Variants in MCPH1 observed in about 807,000 individuals in gnomAD.
MCPH1 encodes the protein microcephalin 1, also known as microcephalin.
A neutral mutation model predicts 84.5 loss-of-function variants in MCPH1; 104 were observed. The ratio of observed to expected loss-of-function variants is 1.23; its 90% confidence interval spans 1.05 to 1.45. MCPH1 has a LOEUF of 1.45. Among genes scored for constraint, MCPH1 ranks in the 40% most tolerant of loss-of-function variants. The pLI is 0.00. For synonymous variants in MCPH1, 514 were observed against 366.8 expected (o/e 1.40, Z -4.58); for missense variants, 1,498 against 1,005.7 (o/e 1.49, Z -6.62).
intron 12 of MCPH1, chr8:6,562,707 C>T (rs1450315124): frequency 6.2e-7 from 1 of 1,612,836 alleles, no homozygotes; most frequent in Non-Finnish European, 8.5e-7. Flanking sequence ...GCCTCTGCAC[C>T]GAGTCATCGT....
intron 9 of MCPH1, among the ~76,000 whole-genome samples, chr8:6,458,569 G>A (rs926295804): frequency 3.3e-5 from 5 of 151,994 alleles, no homozygotes; most frequent in Non-Finnish European, 7.4e-5. Context: ...TATAGATGAA[G>A]GACGTGTTTT....
chr8:6,474,091 G>A (rs60915478), intron 9 of MCPH1: 115,466 of 775,482 alleles, frequency 0.15, 9,208 homozygotes, highest in Middle Eastern at 0.22. Flanking sequence ...CAAAAACTAT[G>A]TGAAACCAGC....
intron 9 of MCPH1, among the ~76,000 whole-genome samples, chr8:6,456,058 C>T (rs879267015): frequency 1.3e-5 from 2 of 152,050 alleles, no homozygotes; most frequent in African/African-American, 4.8e-5. Context: ...CTTATCTTGG[C>T]AATGGTTAAA....
At chr8:6,617,265 G>A (rs1219721431) in intron 12 of MCPH1, 4 of 143,046 alleles carry the variant, frequency 2.8e-5, no homozygotes, top group Admixed American at 6.8e-5. Context: ...GTGGGGGGGG[G>A]GTGTTTTTTT....
chr8:6,452,411 A>G (rs1431509995), intron 8 of MCPH1, among the ~76,000 whole-genome samples: 1 of 152,234 alleles, frequency 6.6e-6, no homozygotes, highest in East Asian at 1.9e-4. Flanking sequence ...GGTCTGTCAG[A>G]TTCATTTCCG....
chr8:6,538,275 C>G (rs563160592), intron 12 of MCPH1, among the ~76,000 whole-genome samples: 1 of 152,090 alleles, frequency 6.6e-6, no homozygotes, highest in African/African-American at 2.4e-5. Flanking sequence ...ATCTGTCTTA[C>G]ACACACACAT....
intron 12 of MCPH1, among the ~76,000 whole-genome samples, chr8:6,514,310 C>T (rs1253989494): frequency 2.0e-5 from 3 of 152,188 alleles, no homozygotes; most frequent in Non-Finnish European, 2.9e-5. Context: ...CTGCCTCAGC[C>T]TCCTGAGTAG....
At position 6,608,255 on chromosome 8, in the gene MCPH1, G is replaced by T. The variant is rs148405456; in HGVS notation, c.2215-13199G>T. ...ACCTGCCCGTGCTTACCGGCTGGTG[G>T]CAGGGGGGCTGAGCAGGTGTTGAGG... On this transcript the variant is annotated intron_variant, in intron 12 of 13. Transcript: ENST00000344683. Among the ~76,000 whole-genome samples the T allele has an allele frequency of 2.3e-4, 35 of 152,360 alleles. No homozygotes were observed. In the East Asian group the frequency reaches 6.7e-3, roughly 29 times the overall value.
At chr8:6,519,808 C>A in intron 12 of MCPH1, 1 of 1,592,146 alleles carries the variant, frequency 6.3e-7, no homozygotes, top group South Asian at 1.1e-5. Context: ...GTTCCTCACT[C>A]ACTAAAGTGG....
chr8:6,423,395 G>C (rs1218567428), intron 3 of MCPH1, among the ~76,000 whole-genome samples: 1 of 148,924 alleles, frequency 6.7e-6, no homozygotes, highest in Non-Finnish European at 1.5e-5. Flanking sequence ...TCCATCTCCT[G>C]ATCTTGTGAT....
chr8:6,486,440 G>A (rs140911963), intron 11 of MCPH1, among the ~76,000 whole-genome samples: 353 of 152,258 alleles, frequency 2.3e-3, no homozygotes, highest in African/African-American at 8.0e-3. Flanking sequence ...TTATTTCAGG[G>A]TTTGTGTGGT....
rs762619662 is a variant in MCPH1 at position 6,643,489 on chromosome 8, G to A, written c.*440G>A. 19 of 220,204 alleles carry A rather than the reference G, an allele frequency of 8.6e-5. No homozygotes were observed. The highest frequency in any genetic ancestry group is 4.2e-4 in the African/African-American group (18 of 42,890). 13.6% of individuals were successfully genotyped at this position (220,204 alleles called of 1,614,324 possible). A position where few individuals can be genotyped will look rare whatever the true frequency, so the allele number is the denominator to read the frequency against. On this transcript the variant is annotated 3_prime_UTR_variant, in exon 14 of 14. Coordinates refer to ENST00000344683, the MANE Select transcript of MCPH1 (RefSeq NM_024596.5). ...CATGTTGGCCAGGCTGGTCTCAAAC[G>A]CCTGAGCTCAGGTGATCTGTCAGGC...
In MCPH1 at chr8:6,408,352, A is replaced by C. The variant is rs138769403; in HGVS notation, c.23-927A>C. ...TCCTGAGTAACTTGGGACTACAGGC[A>C]CTACCACGCCCGGTTATTTTTATTT... On this transcript the variant is annotated intron_variant, in intron 1 of 13. Coordinates refer to ENST00000344683, the MANE Select transcript of MCPH1 (RefSeq NM_024596.5). 9.3e-4 allele frequency among the ~76,000 whole-genome samples: 141 copies of C among 152,060 alleles called. 2 individuals are homozygous for C. Among genetic ancestry groups the C allele is most frequent in the Admixed American group, 6.8e-3 (104 of 15,264 alleles).
chr8:6,502,330 C>G (rs1185448042), intron 12 of MCPH1: 1 of 152,006 alleles, frequency 6.6e-6, no homozygotes, highest in African/African-American at 2.4e-5. Context: ...ACTAAAAATA[C>G]CTTCATATTT....
At chr8:6,472,057 A>G (rs936138891) in intron 9 of MCPH1, among the ~76,000 whole-genome samples, 1 of 152,258 alleles carries the variant, frequency 6.6e-6, no homozygotes, top group Non-Finnish European at 1.5e-5. Flanking sequence ...TTCTAGATAC[A>G]GCATCTAGAA....
At chr8:6,446,292 C>A (rs1049192109) in intron 8 of MCPH1, 12 of 985,072 alleles carry the variant, frequency 1.2e-5, no homozygotes, top group Admixed American at 6.1e-5. Flanking sequence ...AAATCTTGAA[C>A]TTTGACCGTC....
In MCPH1 at chr8:6,477,659, A is replaced by T. The variant is rs114702394; in HGVS notation, c.1973+28A>T. 1,448 of 1,598,450 alleles carry T rather than the reference A, an allele frequency of 9.1e-4. 13 individuals are homozygous for T. The African/African-American group carries it at 0.014, about 16-fold the overall frequency. ...AAGTACTTGTTTTGATTTCTGTTCA[A>T]TGTAAAATGTTAACCTTTTCTCTCT... On this transcript the variant is annotated intron_variant, in intron 10 of 13. Coordinates refer to ENST00000344683, the MANE Select transcript of MCPH1 (RefSeq NM_024596.5).
Position 6,409,378 on chromosome 8 carries a change from A to G in MCPH1, c.114+8A>G, listed in dbSNP as rs542962408. On this transcript the variant is annotated splice_region_variant and intron_variant, in intron 2 of 13. Coordinates refer to ENST00000344683, the MANE Select transcript of MCPH1 (RefSeq NM_024596.5). ...GTGGATATGGGGGCAAAGGTAAGAC[A>G]CTTATTTTGCTGTTGATTCATATGA... 5 of 1,594,290 alleles carry G rather than the reference A, an allele frequency of 3.1e-6. No individual in the cohort carries two copies. In the South Asian group the frequency reaches 3.3e-5, roughly 11 times the overall value.
intron 2 of MCPH1, among the ~76,000 whole-genome samples, chr8:6,413,073 G>A (rs543666214): frequency 3.0e-4 from 45 of 152,284 alleles, no homozygotes; most frequent in African/African-American, 1.1e-3. Flanking sequence ...GATGAGTTCT[G>A]CTTCTGGAAA....
Sources: gnomAD v4.1 joint callset for allele counts (sites outside exome capture counted in the v4.1 genomes callset) on GRCh38, gnomAD v4.1.1 for gene constraint, MANE v1.5 for transcripts, NCBI Gene and HGNC (gene_info 2026-07-23, HGNC 2026-07-21) for gene names.